The following PPARGC1B variants were observed in gnomAD, a reference collection of about 807,000 sequenced individuals.
PPARGC1B encodes the protein peroxisome proliferator-activated receptor gamma coactivator 1-beta.
In PPARGC1B, 34 loss-of-function variants were observed where a neutral mutation model predicts 101.6. The observed-to-expected ratio is 0.33, with a 90% CI of 0.25 to 0.45. The LOEUF is 0.45. Ranked by LOEUF, PPARGC1B falls within the 20% of genes least tolerant of loss-of-function variation. The pLI, the probability that PPARGC1B is intolerant of heterozygous loss-of-function variation, is 1.00. For synonymous variants in PPARGC1B, 548 were observed against 539.3 expected (o/e 1.02, Z -0.22); for missense variants, 1,234 against 1,317.6 (o/e 0.94, Z 0.98).
intron 1 of PPARGC1B, among the ~76,000 whole-genome samples, chr5:149,737,164 G>A (rs1435990372): frequency 6.6e-6 from 1 of 152,196 alleles, no homozygotes. Context: ...CACGCAGTAT[G>A]TAGTGTTTTC....
At position 149,830,700 on chromosome 5, in the gene PPARGC1B, G is replaced by A. The variant is rs1159308380; in HGVS notation, c.466-67G>A. The A allele has an allele frequency of 2.6e-6, 3 of 1,175,134 alleles. No homozygotes were observed. In the East Asian group the frequency reaches 7.0e-5, roughly 27 times the overall value. The allele number at this position is 1,175,134 out of a possible 1,614,324, so 72.8% of individuals were successfully genotyped here. A position where few individuals can be genotyped will look rare whatever the true frequency, so the allele number is the denominator to read the frequency against. The stretch of plus-strand genomic sequence containing the variant: ...GCCCAAGGTCAGTCCTGAGGGGCTG[G>A]CCATGCAGTCCATGTCCTCTGGCTG... On this transcript the variant is annotated intron_variant, in intron 3 of 11. Transcript: ENST00000309241.
At chr5:149,826,976 C>A in intron 3 of PPARGC1B, 91 bp downstream of exon 3, 1 of 990,606 alleles carries the variant, frequency 1.0e-6, no homozygotes, top group Non-Finnish European at 1.5e-6. Context: ...CCGCTCCAGC[C>A]CCGCAGGGGA....
intron 1 of PPARGC1B, among the ~76,000 whole-genome samples, chr5:149,773,491 G>A (rs1756227733): frequency 6.6e-6 from 1 of 152,250 alleles, no homozygotes; most frequent in African/African-American, 2.4e-5. Flanking sequence ...ACTCTTAGGT[G>A]TGTCTCAGCC....
In PPARGC1B at chr5:149,798,304, A is replaced by T. The variant is rs567543888; in HGVS notation, c.79-22129A>T. 2.0e-5 allele frequency among the ~76,000 whole-genome samples: 3 copies of T among 152,330 alleles called. No homozygotes were observed. The South Asian group carries it at 6.2e-4, about 32-fold the overall frequency. On this transcript the variant is annotated intron_variant, in intron 1 of 11. Transcript: ENST00000309241. Reference sequence around the variant, plus strand: ...TTTTGTCTGAAAAAATTAATCCAGCATTTGCATTTCTAGTCTCTAACACGC... The same window carrying T: ...TTTTGTCTGAAAAAATTAATCCAGCTTTTGCATTTCTAGTCTCTAACACGC...
At chr5:149,830,051 A>G (rs1428781950) in intron 3 of PPARGC1B, among the ~76,000 whole-genome samples, 5 of 103,904 alleles carry the variant, frequency 4.8e-5, no homozygotes, top group Admixed American at 2.0e-4. Context: ...AAAAAAAAAA[A>G]AAAGAAAAAA....
At position 149,814,836 on chromosome 5, in the gene PPARGC1B, A is replaced by G. The variant is rs60545745; in HGVS notation, c.79-5597A>G. On this transcript the variant is annotated intron_variant, in intron 1 of 11. Coordinates refer to ENST00000309241, the MANE Select transcript of PPARGC1B (RefSeq NM_133263.4). ...GGCTTGGGGCAGCCACAGTCCTTTC[A>G]GATGAGCGATGTGGTGTTGCTGGAG... Among the ~76,000 whole-genome samples the G allele has an allele frequency of 3.5e-3, 536 of 152,326 alleles. 5 individuals are homozygous for G. Among genetic ancestry groups the G allele is most frequent in the African/African-American group, 0.012 (504 of 41,574 alleles).
intron 1 of PPARGC1B, among the ~76,000 whole-genome samples, chr5:149,788,931 TGGGAGGAGTGGGGA>T (rs942310146): frequency 6.6e-6 from 1 of 151,432 alleles, no homozygotes; most frequent in African/African-American, 2.4e-5. Flanking sequence ...TGTTGTGGGG[TGGGAGGAGTGGGGA>T]GGGATAACAT....
intron 1 of PPARGC1B, among the ~76,000 whole-genome samples, chr5:149,753,610 A>G (rs1755398823): frequency 6.6e-6 from 1 of 152,216 alleles, no homozygotes; most frequent in Admixed American, 6.5e-5. Flanking sequence ...GTTTGCAGTA[A>G]GTTTTGCACA....
At position 149,843,997 on chromosome 5, in the gene PPARGC1B, A is replaced by G. The variant is rs556432360; in HGVS notation, c.2816+1620A>G. Among the ~76,000 whole-genome samples, 4 of 152,336 alleles carry G rather than the reference A, an allele frequency of 2.6e-5. No individual in the cohort carries two copies. In the East Asian group the frequency reaches 7.7e-4, roughly 29 times the overall value. On this transcript the variant is annotated intron_variant, in intron 10 of 11. Coordinates refer to ENST00000309241, the MANE Select transcript of PPARGC1B (RefSeq NM_133263.4). ...TTGCCAGGGGCTGCAGAGAGGAGGA[A>G]TAAGGGAGGTGTTGTTTAATGGGCG...
Position 149,833,502 on chromosome 5 carries a change from C to A in PPARGC1B, c.1429C>A (p.Arg477=), listed in dbSNP as rs147757452. ...RKLESSVCPV[R]RSRRLNPELG... ...GCTGGAGAGCTCTGTGTGCCCCGTG[C>A]GGCGTTCTCGGAGACTGAACCCTGA... Residue 477 remains arginine, a synonymous_variant, in exon 5 of 12, where the codon CGG becomes AGG. Transcript: ENST00000309241. The surrounding 1 kb of genome is among the most constrained non-coding windows in gnomAD (Gnocchi z 4.1). The A allele has an allele frequency of 6.4e-6, 10 of 1,564,466 alleles. No individual in the cohort carries two copies. Among genetic ancestry groups the A allele is most frequent in the Admixed American group, 1.9e-5 (1 of 52,312 alleles).
intron 1 of PPARGC1B, among the ~76,000 whole-genome samples, chr5:149,798,110 G>A (rs942301179): frequency 6.6e-6 from 1 of 152,192 alleles, no homozygotes; most frequent in Non-Finnish European, 1.5e-5. Context: ...GAGAGGTTGA[G>A]TGTCTTGGCC....
chr5:149,748,077 T>G (rs1397029851), intron 1 of PPARGC1B, among the ~76,000 whole-genome samples: 1 of 151,970 alleles, frequency 6.6e-6, no homozygotes, highest in Non-Finnish European at 1.5e-5. Context: ...ATGATATGGT[T>G]GTGAAACAAC....
At chr5:149,794,003 C>G (rs929242355) in intron 1 of PPARGC1B, among the ~76,000 whole-genome samples, 2 of 152,152 alleles carry the variant, frequency 1.3e-5, no homozygotes, top group African/African-American at 4.8e-5. Flanking sequence ...CCTAGCCATG[C>G]CCGTTTATTT....
At chr5:149,756,158 A>C (rs1267752534) in intron 1 of PPARGC1B, among the ~76,000 whole-genome samples, 2 of 152,170 alleles carry the variant, frequency 1.3e-5, no homozygotes, top group Non-Finnish European at 2.9e-5. Context: ...GCACTTAATA[A>C]ATATGCTATT....
chr5:149,754,771 C>G (rs2113131502), intron 1 of PPARGC1B, among the ~76,000 whole-genome samples: 1 of 126,196 alleles, frequency 7.9e-6, no homozygotes, highest in East Asian at 2.3e-4. Flanking sequence ...CCAGAGCATC[C>G]TGATTTTTTT....
intron 10 of PPARGC1B, among the ~76,000 whole-genome samples, chr5:149,842,925 G>A (rs1316423964): frequency 6.6e-6 from 1 of 152,170 alleles, no homozygotes; most frequent in African/African-American, 2.4e-5. Context: ...CCCAGCATTT[G>A]GGGAGGCCAA....
intron 2 of PPARGC1B, among the ~76,000 whole-genome samples, chr5:149,821,471 T>C (rs1758292688): frequency 1.3e-5 from 2 of 152,180 alleles, no homozygotes; most frequent in Admixed American, 1.3e-4. Flanking sequence ...TCGATGAAAT[T>C]GGATTGGCCG....
intron 1 of PPARGC1B, among the ~76,000 whole-genome samples, chr5:149,769,063 TAGCATCACTGCCTC>T (rs1186602674): frequency 6.6e-6 from 1 of 152,214 alleles, no homozygotes; most frequent in African/African-American, 2.4e-5. Flanking sequence ...TCCCCAGCAC[TAGCATCACTGCCTC>T]AGCTCCACCT....
intron 1 of PPARGC1B, among the ~76,000 whole-genome samples, chr5:149,734,765 T>G (rs1057220427): frequency 2.0e-5 from 3 of 152,212 alleles, no homozygotes; most frequent in Non-Finnish European, 2.9e-5. Flanking sequence ...ATTTTCATTG[T>G]TTTTCATTTT....
Sources: gnomAD v4.1 joint callset for allele counts (sites outside exome capture counted in the v4.1 genomes callset) on GRCh38, gnomAD v4.1.1 for gene constraint, Gnocchi (gnomAD v3.1) non-coding constraint, MANE v1.5 for transcripts, NCBI Gene and HGNC (gene_info 2026-07-23, HGNC 2026-07-21) for gene names.